CACNA1C: variants seen among roughly 807,000 people sequenced by gnomAD.
CACNA1C encodes the protein voltage-dependent L-type calcium channel subunit alpha-1C.
In CACNA1C, 30 loss-of-function variants were observed where a neutral mutation model predicts 229.0. The ratio of observed to expected loss-of-function variants is 0.13; its 90% CI spans 0.10 to 0.18. CACNA1C has a LOEUF of 0.18. CACNA1C is among the 10% of genes least tolerant of loss of function. CACNA1C has a pLI of 1.00. For missense variants in CACNA1C, 1,658 were observed against 2,845.0 expected (o/e 0.58, Z 9.49); for synonymous variants, 1,114 against 1,132.5 (o/e 0.98, Z 0.33).
At chr12:2,201,694 T>G (rs1434389051) in intron 3 of CACNA1C, among the ~76,000 whole-genome samples, 1 of 152,230 alleles carries the variant, frequency 6.6e-6, no homozygotes, top group African/African-American at 2.4e-5. Flanking sequence ...AACAACAAGT[T>G]ACTGTGTCAC....
intron 1 of CACNA1C, among the ~76,000 whole-genome samples, chr12:2,025,570 T>G (rs1483908024): frequency 2.0e-5 from 3 of 152,138 alleles, no homozygotes; most frequent in Non-Finnish European, 4.4e-5. Context: ...GGCCGTCCTG[T>G]TTTCCTTTAT....
chr12:1,972,354 T>C (rs892345452), intron 1 of CACNA1C, among the ~76,000 whole-genome samples: 1 of 152,262 alleles, frequency 6.6e-6, no homozygotes, highest in African/African-American at 2.4e-5. Context: ...ATAATGTTTC[T>C]TGATTTACTA....
chr12:2,186,274 C>T (rs529096666), intron 3 of CACNA1C, among the ~76,000 whole-genome samples: 72 of 152,256 alleles, frequency 4.7e-4, no homozygotes, highest in Middle Eastern at 3.4e-3. Flanking sequence ...GCTGTGTGGT[C>T]GGTCCTCTCG....
At chr12:2,452,123 C>T (rs141207364) in intron 4 of CACNA1C, among the ~76,000 whole-genome samples, 11 of 152,274 alleles carry the variant, frequency 7.2e-5, no homozygotes, top group African/African-American at 2.4e-4. Context: ...CCTGGCCTCC[C>T]ACAAAGCTGG....
chr12:2,137,614 A>G (rs1018086880), intron 3 of CACNA1C, among the ~76,000 whole-genome samples: 1 of 151,190 alleles, frequency 6.6e-6, no homozygotes, highest in Non-Finnish European at 1.5e-5. Flanking sequence ...TGCCATATAA[A>G]CATAGAGGCA....
At position 2,689,966 on chromosome 12, in the gene CACNA1C, G is replaced by A. The variant is rs1408019571; in HGVS notation, c.6118-934G>A. On this transcript the variant is annotated intron_variant, in intron 46 of 46. Coordinates refer to ENST00000399655, the MANE Select transcript of CACNA1C (RefSeq NM_000719.7). The surrounding 1 kb of genome is among the most constrained non-coding windows in gnomAD (Gnocchi z 4.2). ...CAAGACAAACAGATGCCTGAAAGGA[G>A]CGAGTGCCAGGCTGCACTCAGCTTC... The A allele has an allele frequency of 6.6e-6, 1 of 152,358 alleles. No homozygotes were observed. The highest frequency in any genetic ancestry group is 1.5e-5 in the Non-Finnish European group (1 of 68,150). The allele number at this position is 152,358 out of a possible 1,614,324, so 9.4% of individuals were successfully genotyped here.
At chr12:2,517,142 G>A (rs2099798592) in intron 9 of CACNA1C, among the ~76,000 whole-genome samples, 1 of 152,228 alleles carries the variant, frequency 6.6e-6, no homozygotes, top group African/African-American at 2.4e-5. Flanking sequence ...CCTTAACACA[G>A]GCTGTTGGAT....
chr12:2,264,131 C>A (rs1477250128), intron 3 of CACNA1C, among the ~76,000 whole-genome samples: 1 of 152,204 alleles, frequency 6.6e-6, no homozygotes, highest in Non-Finnish European at 1.5e-5. Flanking sequence ...TCAAAGCTTA[C>A]CTCACAGGTG....
At chr12:2,374,533 C>T (rs1243999006) in intron 3 of CACNA1C, among the ~76,000 whole-genome samples, 1 of 152,224 alleles carries the variant, frequency 6.6e-6, no homozygotes, top group Non-Finnish European at 1.5e-5. Flanking sequence ...GTGGGCCAGG[C>T]CTCAGGGTGG....
intron 9 of CACNA1C, among the ~76,000 whole-genome samples, chr12:2,537,415 A>G (rs2099858389): frequency 1.3e-5 from 2 of 152,250 alleles, no homozygotes; most frequent in Admixed American, 6.5e-5. Context: ...TGTAAAATTC[A>G]TGGAAGAGTA....
At chr12:2,031,201 T>C (rs2048160759) in intron 1 of CACNA1C, among the ~76,000 whole-genome samples, 2 of 152,166 alleles carry the variant, frequency 1.3e-5, no homozygotes, top group African/African-American at 4.8e-5. Context: ...GACCCTCTCC[T>C]CCTCATCCGA....
rs2094477347 is a variant in CACNA1C at position 2,647,496 on chromosome 12, A to G, written c.3913-979A>G. On this transcript the variant is annotated intron_variant, in intron 30 of 46. Coordinates refer to ENST00000399655, the MANE Select transcript of CACNA1C (RefSeq NM_000719.7). The surrounding 1 kb of genome is among the most constrained non-coding windows in gnomAD (Gnocchi z 4.2). ...GCAGGGCTTTCAAGTTTAGAAAACA[A>G]TTCAACAGTCATTATTTCATGCCAA... is the stretch of plus-strand genomic sequence containing the variant. Among the ~76,000 whole-genome samples the G allele has an allele frequency of 6.6e-6, 1 of 152,222 alleles. No homozygotes were observed. The highest frequency in any genetic ancestry group is 1.5e-5 in the Non-Finnish European group (1 of 68,038).
intron 3 of CACNA1C, among the ~76,000 whole-genome samples, chr12:2,128,190 T>C (rs902294722): frequency 5.3e-5 from 8 of 152,192 alleles, no homozygotes; most frequent in African/African-American, 1.7e-4. Flanking sequence ...AGGGCTGTAG[T>C]TGGAACTTAG....
chr12:2,431,474 T>C (rs908955309), intron 3 of CACNA1C, among the ~76,000 whole-genome samples: 1 of 152,162 alleles, frequency 6.6e-6, no homozygotes, highest in African/African-American at 2.4e-5. Context: ...CTTGCTATGT[T>C]TCCAGAGGGA....
At chr12:1,992,912 G>A (rs916310132) in intron 1 of CACNA1C, 54 of 535,406 alleles carry the variant, frequency 1.0e-4, no homozygotes, top group African/African-American at 6.3e-4. Flanking sequence ...TTAATTCTTC[G>A]TTCAGGGAGC....
intron 3 of CACNA1C, among the ~76,000 whole-genome samples, chr12:2,167,871 C>G (rs1392650142): frequency 6.7e-6 from 1 of 150,266 alleles, no homozygotes; most frequent in East Asian, 1.9e-4. Context: ...AGAAACTCAT[C>G]CAATGCTCCC....
At chr12:2,393,122 G>A (rs901848033) in intron 3 of CACNA1C, among the ~76,000 whole-genome samples, 2 of 152,098 alleles carry the variant, frequency 1.3e-5, no homozygotes, top group Non-Finnish European at 2.9e-5. Flanking sequence ...GTCCTGCCTC[G>A]TAGCTGGAAG....
chr12:2,452,982 G>T (rs571128253), intron 4 of CACNA1C, among the ~76,000 whole-genome samples: 1 of 152,282 alleles, frequency 6.6e-6, no homozygotes, highest in East Asian at 1.9e-4. Context: ...ACTTCTGCCT[G>T]GGATTCAAGG....
At chr12:2,178,717 C>T (rs1218386157) in intron 3 of CACNA1C, among the ~76,000 whole-genome samples, 1 of 152,156 alleles carries the variant, frequency 6.6e-6, no homozygotes, top group Admixed American at 6.5e-5. Context: ...ATTAACAGGA[C>T]CCGTGATTGT....
Sources: allele counts gnomAD v4.1 joint callset (sites outside exome capture counted in the v4.1 genomes callset), GRCh38; gene constraint gnomAD v4.1.1; non-coding constraint Gnocchi (gnomAD v3.1); transcripts MANE v1.5; gene names NCBI Gene and HGNC (gene_info 2026-07-23, HGNC 2026-07-21).